Variants in LDAH observed in about 807,000 individuals in gnomAD.
The protein encoded by LDAH is lipid droplet associated hydrolase, also known as lipid droplet-associated hydrolase.
LDAH carries 26 observed loss-of-function variants against 29.6 expected under a neutral mutation model. That is an observed-to-expected ratio of 0.88 (90% CI 0.64 to 1.22). The LOEUF is 1.22. Ranked by LOEUF, LDAH falls within the 50% of genes most tolerant of loss-of-function variation. The probability of loss-of-function intolerance (pLI) is 0.00; values close to 1 mark genes in which losing one functional copy is unlikely to be tolerated. For missense variants in LDAH, 344 were observed against 387.3 expected, an observed-to-expected ratio of 0.89 and a Z score of 0.94; for synonymous variants, 117 against 133.0, an observed-to-expected ratio of 0.88 and a Z score of 0.83.
rs186299513 is a variant in LDAH at position 20,802,833 on chromosome 2, T to C, written c.-2-1368A>G. ...CTCTCTACTCCAAATTCATTCTTCA[T>C]TGTCTTATCTGGAAAAGTGGATCTG... On this transcript the variant is annotated intron_variant, in intron 1 of 6. Coordinates refer to ENST00000237822, the MANE Select transcript of LDAH (RefSeq NM_021925.4). 2.0e-5 allele frequency among the ~76,000 whole-genome samples: 3 copies of C among 152,346 alleles called. No homozygotes were observed. In the East Asian group the frequency reaches 5.8e-4, roughly 29 times the overall value.
In LDAH at chr2:20,821,209, G is replaced by A. The variant is rs570908564; in HGVS notation, c.-3+1828C>T. ...CAACCATTGTGGAAGTCAGTGTGGC[G>A]ATTCCTCAGGGATCTAGAACTAGAA... On this transcript the variant is annotated intron_variant, in intron 1 of 6. Coordinates refer to ENST00000237822, the MANE Select transcript of LDAH (RefSeq NM_021925.4). Among the ~76,000 whole-genome samples the A allele has an allele frequency of 2.6e-4, 40 of 152,292 alleles. 1 individual carries two copies. The East Asian group carries it at 6.9e-3, about 26-fold the overall frequency.
At chr2:20,728,342 C>G (rs1330786533) in intron 5 of LDAH, among the ~76,000 whole-genome samples, 1 of 152,176 alleles carries the variant, frequency 6.6e-6, no homozygotes, top group Non-Finnish European at 1.5e-5. Flanking sequence ...AAATATCCAG[C>G]TGGACCAGAT....
At chr2:20,758,458 A>G (rs539574332) in intron 4 of LDAH, among the ~76,000 whole-genome samples, 12 of 152,308 alleles carry the variant, frequency 7.9e-5, no homozygotes, top group African/African-American at 2.9e-4. Context: ...GGATTAGTGA[A>G]GTAGAATGTT....
chr2:20,693,784 T>C lies in LDAH; in HGVS notation c.787-6690A>G, dbSNP rs577915108. Among the ~76,000 whole-genome samples the C allele has an allele frequency of 3.4e-4, 52 of 152,344 alleles. 1 individual carries two copies. Among genetic ancestry groups the C allele is most frequent in the East Asian group, 2.1e-3 (11 of 5,180 alleles). ...CTGTGGGTTCTTGCAGCAGTGAAGG[T>C]AATGCCCACCGCTTTTCTGAGCAAT... On this transcript the variant is annotated intron_variant, in intron 6 of 6. Coordinates refer to ENST00000237822, the MANE Select transcript of LDAH (RefSeq NM_021925.4).
intron 5 of LDAH, among the ~76,000 whole-genome samples, chr2:20,702,906 C>T (rs1184291232): frequency 2.0e-5 from 3 of 152,200 alleles, no homozygotes; most frequent in Non-Finnish European, 4.4e-5. Flanking sequence ...GATCGTGGCT[C>T]ACGGCCACCT....
intron 3 of LDAH, among the ~76,000 whole-genome samples, chr2:20,786,706 G>A (rs1670581163): frequency 6.6e-6 from 1 of 152,150 alleles, no homozygotes; most frequent in Admixed American, 6.5e-5. Flanking sequence ...ATCCTATAAT[G>A]TAATGATTAA....
intron 2 of LDAH, among the ~76,000 whole-genome samples, chr2:20,798,662 C>T (rs1227228744): frequency 2.0e-5 from 3 of 150,458 alleles, no homozygotes; most frequent in Non-Finnish European, 4.4e-5. Flanking sequence ...TGAAATATTC[C>T]CATACTAGGA....
chr2:20,719,888 T>C (rs1665520335), intron 5 of LDAH, among the ~76,000 whole-genome samples: 1 of 152,132 alleles, frequency 6.6e-6, no homozygotes, highest in Non-Finnish European at 1.5e-5. Flanking sequence ...TTTCAATACA[T>C]GCTGGAAAAG....
In LDAH at chr2:20,684,316, C is replaced by A. The variant is rs1325083317; in HGVS notation, c.*2587G>T. On this transcript the variant is annotated 3_prime_UTR_variant, in exon 7 of 7. Transcript: ENST00000237822. ...ATTGTCTCAACAATGTCTTTTATAA[C>A]AAAAACATCCAATTCAGAATCAGAT... is the stretch of plus-strand genomic sequence containing the variant. 2 of 152,048 alleles carry A rather than the reference C, an allele frequency of 1.3e-5. No homozygotes were observed. The highest frequency in any genetic ancestry group is 2.9e-5 in the Non-Finnish European group (2 of 68,006). The allele number at this position is 152,048 out of a possible 1,614,324, so 9.4% of individuals were successfully genotyped here. A position where few individuals can be genotyped will look rare whatever the true frequency, so the allele number is the denominator to read the frequency against.
At chr2:20,746,077 G>C (rs1667550100) in intron 4 of LDAH, among the ~76,000 whole-genome samples, 1 of 152,214 alleles carries the variant, frequency 6.6e-6, no homozygotes, top group Admixed American at 6.5e-5. Flanking sequence ...TGCTGGAGCA[G>C]AGTACTTGAA....
At position 20,747,545 on chromosome 2, in the gene LDAH, A is replaced by C. The variant is rs182724961; in HGVS notation, c.469-7340T>G. On this transcript the variant is annotated intron_variant, in intron 4 of 6. Transcript: ENST00000237822. ...TCTAGAAGTAATCCTAGTTTAGTTT[A>C]TCTCCTCTTCCCATAAGGCCATGTG... 2.0e-5 allele frequency among the ~76,000 whole-genome samples: 3 copies of C among 152,296 alleles called. No individual in the cohort carries two copies. In the East Asian group the frequency reaches 5.8e-4, roughly 29 times the overall value.
chr2:20,803,677 A>G (rs1248426762), intron 1 of LDAH, among the ~76,000 whole-genome samples: 1 of 152,184 alleles, frequency 6.6e-6, no homozygotes, highest in Non-Finnish European at 1.5e-5. Flanking sequence ...ATTGTGCACC[A>G]GCGTTGGCTC....
At chr2:20,747,519 G>T (rs556656042) in intron 4 of LDAH, among the ~76,000 whole-genome samples, 1 of 152,236 alleles carries the variant, frequency 6.6e-6, no homozygotes, top group East Asian at 1.9e-4. Context: ...CAAAACATAG[G>T]TCTAGAAGTA....
chr2:20,798,594 T>C (rs952118014), intron 2 of LDAH, among the ~76,000 whole-genome samples: 1 of 148,076 alleles, frequency 6.8e-6, no homozygotes, highest in Non-Finnish European at 1.5e-5. Flanking sequence ...ATATACATAA[T>C]ATAATATAAT....
intron 1 of LDAH, among the ~76,000 whole-genome samples, chr2:20,813,737 T>C (rs938541206): frequency 6.6e-6 from 1 of 152,248 alleles, no homozygotes; most frequent in African/African-American, 2.4e-5. Flanking sequence ...CACTAAGTGA[T>C]ACCACACTTT....
intron 4 of LDAH, among the ~76,000 whole-genome samples, chr2:20,758,998 TATTACTGA>T (rs1368838395): frequency 6.6e-6 from 1 of 152,182 alleles, no homozygotes; most frequent in African/African-American, 2.4e-5. Flanking sequence ...ATTAATATAA[TATTACTGA>T]AGCTCTCAGA....
At chr2:20,801,104 ACAC>A (rs988714635) in intron 2 of LDAH, among the ~76,000 whole-genome samples, 3 of 152,096 alleles carry the variant, frequency 2.0e-5, no homozygotes, top group African/African-American at 7.3e-5. Flanking sequence ...ACACACACAC[ACAC>A]AACAGACAAC....
In LDAH at chr2:20,789,720, G is replaced by A. The variant is rs535417663; in HGVS notation, c.298+535C>T. ...GGCCACACAGATGAAGGTGTGCGACGGGCGAGTGAGCATTACCGCCTGAGC... is the reference window on the plus strand; with the variant it reads ...GGCCACACAGATGAAGGTGTGCGACAGGCGAGTGAGCATTACCGCCTGAGC... On this transcript the variant is annotated intron_variant, in intron 3 of 6. Transcript: ENST00000237822. 8.5e-5 allele frequency among the ~76,000 whole-genome samples: 13 copies of A among 152,266 alleles called. No homozygotes were observed. The East Asian group carries it at 1.9e-3, about 23-fold the overall frequency.
At chr2:20,716,137 A>C (rs1665162098) in intron 5 of LDAH, among the ~76,000 whole-genome samples, 2 of 152,188 alleles carry the variant, frequency 1.3e-5, no homozygotes, top group Non-Finnish European at 2.9e-5. Flanking sequence ...TTGGAGTGTA[A>C]ATTAGTTCAA....
Sources: allele counts gnomAD v4.1 joint callset (sites outside exome capture counted in the v4.1 genomes callset), GRCh38; gene constraint gnomAD v4.1.1; transcripts MANE v1.5; gene names NCBI Gene and HGNC (gene_info 2026-07-23, HGNC 2026-07-21).